The following MCUR1 variants were observed in gnomAD, a reference collection of about 807,000 sequenced individuals.
The protein encoded by MCUR1 is MCU regulator 1.
A neutral mutation model predicts 42.0 loss-of-function variants in MCUR1; 37 were observed. The ratio of observed to expected loss-of-function variants is 0.88; its 90% CI spans 0.68 to 1.16. MCUR1 has a LOEUF of 1.16. Among genes scored for constraint, MCUR1 ranks in the 50% most tolerant of loss-of-function variants. The pLI is 0.00. For missense variants in MCUR1, 469 were observed against 468.4 expected, an observed-to-expected ratio of 1.00 and a Z score of -0.01; for synonymous variants, 229 against 196.2, an observed-to-expected ratio of 1.17 and a Z score of -1.40.
At chr6:13,804,932 G>C (rs35536823) in intron 2 of MCUR1, among the ~76,000 whole-genome samples, 11,245 of 151,850 alleles carry the variant, frequency 0.074, 546 homozygotes, top group Non-Finnish European at 0.11. Context: ...TTAACCTGAA[G>C]ACACAGGTCT....
At chr6:13,807,274 T>C (rs1376562912) in intron 1 of MCUR1, among the ~76,000 whole-genome samples, 2 of 152,176 alleles carry the variant, frequency 1.3e-5, no homozygotes, top group Non-Finnish European at 2.9e-5. Flanking sequence ...TCAAGACAAA[T>C]TGTACCCCTT....
At chr6:13,813,450 C>T (rs1760282627) in intron 1 of MCUR1, among the ~76,000 whole-genome samples, 1 of 152,102 alleles carries the variant, frequency 6.6e-6, no homozygotes, top group African/African-American at 2.4e-5. Flanking sequence ...CGTATATCCA[C>T]ACACACATAT....
chr6:13,790,992 C>T (rs1038971806), intron 8 of MCUR1, 128 bp from the exon 9 acceptor site: 11 of 595,700 alleles, frequency 1.8e-5, no homozygotes, highest in Non-Finnish European at 2.6e-5. Context: ...TCCCATATTC[C>T]GTGAAACGCC....
chr6:13,812,739 T>C (rs1760264028), intron 1 of MCUR1, among the ~76,000 whole-genome samples: 1 of 152,218 alleles, frequency 6.6e-6, no homozygotes, highest in Non-Finnish European at 1.5e-5. Flanking sequence ...GGCCTATCTG[T>C]TGAAGAAAAT....
intron 2 of MCUR1, chr6:13,803,618 AG>A: frequency 5.2e-6 from 2 of 385,490 alleles, no homozygotes; most frequent in Non-Finnish European, 7.1e-6. Context: ...ACAGATTTAA[AG>A]GAGAAGGAAA....
Position 13,814,295 on chromosome 6 carries a change from G to C in MCUR1, c.135C>G (p.Leu45=), listed in dbSNP as rs2113487959. 1 of 1,499,492 alleles carries C rather than the reference G, an allele frequency of 6.7e-7. No individual in the cohort carries two copies. The highest frequency in any genetic ancestry group is 8.8e-7 in the Non-Finnish European group (1 of 1,130,624). 92.9% of individuals were successfully genotyped at this position (1,499,492 alleles called of 1,614,324 possible). ...ETSARRCLSA[L]SDGLGALRPR... The stretch of plus-strand genomic sequence containing the variant: ...GGCGCAGCGCCCCCAGACCGTCGGA[G>C]AGCGCAGAGAGGCAGCGGCGTGCTG... The change falls in exon 1 of 9, where the codon CTC becomes CTG. Residue 45 remains leucine (L), a synonymous_variant. Coordinates refer to ENST00000379170, the MANE Select transcript of MCUR1 (RefSeq NM_001031713.4).
rs370427306 is a variant in MCUR1 at position 13,791,863 on chromosome 6, T to C, written c.1024+15A>G. 4.5e-6 allele frequency: 7 copies of C among 1,570,346 alleles called. No individual in the cohort carries two copies. The highest frequency in any genetic ancestry group is 6.1e-6 in the Non-Finnish European group (7 of 1,144,276). On this transcript the variant is annotated intron_variant, in intron 8 of 8. Transcript: ENST00000379170. ...TTCTTTTCAGGTTGATTTAAATAGATACAAAATAGCTTACCTGCTAAATAT... is the reference window on the plus strand; with the variant it reads ...TTCTTTTCAGGTTGATTTAAATAGACACAAAATAGCTTACCTGCTAAATAT...
chr6:13,801,695 C>A (rs572681799), intron 3 of MCUR1, among the ~76,000 whole-genome samples: 7 of 152,176 alleles, frequency 4.6e-5, no homozygotes, highest in Non-Finnish European at 8.8e-5. Flanking sequence ...ACCAAAAGTA[C>A]AAAAATTAGC....
intron 1 of MCUR1, among the ~76,000 whole-genome samples, chr6:13,811,876 G>T (rs1422792174): frequency 2.6e-5 from 4 of 151,224 alleles, no homozygotes; most frequent in Non-Finnish European, 5.9e-5. Context: ...TGTTATTGTT[G>T]TTCTTTTTCA....
At chr6:13,800,743 C>T (rs533625730) in intron 4 of MCUR1, among the ~76,000 whole-genome samples, 1 of 152,156 alleles carries the variant, frequency 6.6e-6, no homozygotes, top group Non-Finnish European at 1.5e-5. Context: ...AGGTTTCTTA[C>T]AAGGCTAGGG....
rs3734672 is a variant in MCUR1, at chr6:13,787,346, G to C, written c.*3463C>G. ...TTGAGTCAAGCCTTTCAACCGAGGTGCTTGGCATACTTAACGGAAAAAGCG... is the reference window on the plus strand; with the variant it reads ...TTGAGTCAAGCCTTTCAACCGAGGTCCTTGGCATACTTAACGGAAAAAGCG... On this transcript the variant is annotated 3_prime_UTR_variant, in exon 9 of 9. Coordinates refer to ENST00000379170, the MANE Select transcript of MCUR1 (RefSeq NM_001031713.4). 6.6e-6 allele frequency: 1 copy of C among 152,046 alleles called. No homozygotes were observed. The highest frequency in any genetic ancestry group is 1.5e-5 in the Non-Finnish European group (1 of 68,010). 9.4% of individuals were successfully genotyped at this position (152,046 alleles called of 1,614,324 possible).
At chr6:13,798,382 G>T (rs1759904251) in intron 6 of MCUR1, among the ~76,000 whole-genome samples, 1 of 152,066 alleles carries the variant, frequency 6.6e-6, no homozygotes, top group Non-Finnish European at 1.5e-5. Context: ...TTACAGGCGT[G>T]AGCTACCGCG....
rs774547254 is a variant in MCUR1 at position 13,790,773 on chromosome 6, G to A, written c.*36C>T. ...CAGCCAACAATCTGGTATTCTTAAG[G>A]CAAAACAGTAGAAATCACTTTAAAT... is the stretch of plus-strand genomic sequence containing the variant. On this transcript the variant is annotated 3_prime_UTR_variant, in exon 9 of 9. Transcript: ENST00000379170. The A allele has an allele frequency of 3.0e-5, 47 of 1,564,102 alleles. No individual in the cohort carries two copies. The highest frequency in any genetic ancestry group is 3.9e-5 in the Non-Finnish European group (45 of 1,139,418).
intron 4 of MCUR1, 96 bp from the exon 5 acceptor site, chr6:13,800,478 G>C (rs1759967421): frequency 1.5e-6 from 1 of 684,732 alleles, no homozygotes; most frequent in Non-Finnish European, 2.5e-6. Context: ...AGTTCCTCAG[G>C]TTTTTCCTTC....
chr6:13,805,528 A>G (rs1461618973), intron 2 of MCUR1, among the ~76,000 whole-genome samples: 1 of 152,202 alleles, frequency 6.6e-6, no homozygotes, highest in Non-Finnish European at 1.5e-5. Context: ...ATAAATGGAA[A>G]CTGAGAAGGG....
intron 4 of MCUR1, 138 bp from the exon 5 acceptor site, chr6:13,800,520 A>G (rs926515762): frequency 3.5e-6 from 2 of 570,528 alleles, no homozygotes; most frequent in Admixed American, 6.7e-5. Context: ...GCAGAATGGC[A>G]TTACAACACA....
intron 1 of MCUR1, among the ~76,000 whole-genome samples, chr6:13,808,662 T>C (rs781327492): frequency 3.9e-5 from 6 of 152,222 alleles, no homozygotes; most frequent in Non-Finnish European, 8.8e-5. Context: ...CATTGAGGTC[T>C]TTTCCTCATT....
Position 13,803,091 on chromosome 6 carries a change from C to T in MCUR1, c.536-745G>A, listed in dbSNP as rs568448895. Among the ~76,000 whole-genome samples the T allele has an allele frequency of 1.1e-3, 164 of 151,742 alleles. 2 individuals carry two copies. The highest frequency in any genetic ancestry group is 1.0e-2 in the South Asian group (48 of 4,814). On this transcript the variant is annotated intron_variant, in intron 2 of 8. Transcript: ENST00000379170. Reference sequence around the variant, plus strand: ...TTTTTTTTTTTTTGAGACAGAGTTTCGCTCTTGTTGCCCAGGCTGGAGTGC... The same window carrying T: ...TTTTTTTTTTTTTGAGACAGAGTTTTGCTCTTGTTGCCCAGGCTGGAGTGC...
intron 3 of MCUR1, among the ~76,000 whole-genome samples, chr6:13,801,753 T>C (rs966673622): frequency 6.6e-6 from 1 of 152,040 alleles, no homozygotes; most frequent in East Asian, 1.9e-4. Flanking sequence ...GGGAGGCTGA[T>C]GTGGGAGGAT....
Sources: gnomAD v4.1 joint callset for allele counts (sites outside exome capture counted in the v4.1 genomes callset) on GRCh38, gnomAD v4.1.1 for gene constraint, MANE v1.5 for transcripts, NCBI Gene and HGNC (gene_info 2026-07-23, HGNC 2026-07-21) for gene names.